Variants in KDM1B observed in about 807,000 individuals in gnomAD.
The protein encoded by KDM1B is lysine-specific histone demethylase 2.
Under a neutral mutation model 107.4 loss-of-function variants are expected in KDM1B, and 63 were observed. That is an observed-to-expected ratio of 0.59 (90% CI 0.48 to 0.72). The LOEUF (loss-of-function observed/expected upper bound fraction) is 0.72, where lower values mean the gene tolerates loss of function less well. Among genes scored for constraint, KDM1B ranks in the 30% least tolerant of loss-of-function variants. KDM1B has a pLI of 0.00. For missense variants in KDM1B, 749 were observed against 1,020.8 expected (o/e 0.73, Z 3.63); for synonymous variants, 363 against 363.9 (o/e 1.00, Z 0.03).
chr6:18,170,002 C>CG (rs1197685004), intron 6 of KDM1B, among the ~76,000 whole-genome samples: 1 of 25,846 alleles, frequency 3.9e-5, no homozygotes, highest in Non-Finnish European at 8.2e-5. Context: ...CTCCACCTCC[C>CG]AGTTCAAGCG....
At chr6:18,215,604 C>T (rs1789160853) in intron 20 of KDM1B, among the ~76,000 whole-genome samples, 1 of 152,178 alleles carries the variant, frequency 6.6e-6, no homozygotes, top group South Asian at 2.1e-4. Flanking sequence ...AATACAGTCA[C>T]ATTCTGAGGC....
chr6:18,170,861 C>A (rs1213222806), intron 6 of KDM1B, among the ~76,000 whole-genome samples: 1 of 151,594 alleles, frequency 6.6e-6, no homozygotes. Context: ...TGCTCCGTTG[C>A]CCAGGCTGGA....
chr6:18,185,210 G>A lies in KDM1B; in HGVS notation c.535-562G>A, dbSNP rs148906368. Among the ~76,000 whole-genome samples, 9 of 151,944 alleles carry A rather than the reference G, an allele frequency of 5.9e-5. No individual in the cohort carries two copies. The East Asian group carries it at 1.5e-3, about 26-fold the overall frequency. ...AAATGATTGTGCATTTTAAATGTTCGTATTTTGTCACCGCCCTTCGTGGTT... is the reference window on the plus strand; with the variant it reads ...AAATGATTGTGCATTTTAAATGTTCATATTTTGTCACCGCCCTTCGTGGTT... On this transcript the variant is annotated intron_variant, in intron 7 of 21. Coordinates refer to ENST00000650836, the MANE Select transcript of KDM1B (RefSeq NM_001364614.2).
intron 7 of KDM1B, among the ~76,000 whole-genome samples, chr6:18,181,270 G>C (rs1266386017): frequency 6.6e-6 from 1 of 152,124 alleles, no homozygotes; most frequent in East Asian, 1.9e-4. Flanking sequence ...GAGAAGGCCT[G>C]ATTGACAGAT....
chr6:18,156,895 C>A (rs113288660), intron 2 of KDM1B, among the ~76,000 whole-genome samples: 4 of 152,126 alleles, frequency 2.6e-5, no homozygotes, highest in African/African-American at 7.2e-5. Context: ...CCAGCCTGAG[C>A]CACGGAGGAA....
In KDM1B at chr6:18,207,212, A is replaced by G. The variant is rs214599; in HGVS notation, c.1660-186A>G. 0.077 allele frequency among the ~76,000 whole-genome samples: 11,343 copies of G among 147,078 alleles called. 500 individuals carry two copies. Among genetic ancestry groups the G allele is most frequent in the South Asian group, 0.22 (1,055 of 4,822 alleles). On this transcript the variant is annotated intron_variant, in intron 15 of 21. Transcript: ENST00000650836. ...AGTCATATGGACCTTTTGTTCTCAAATAAACTTTCCTCAAATAAAATTATC... is the reference window on the plus strand; with the variant it reads ...AGTCATATGGACCTTTTGTTCTCAAGTAAACTTTCCTCAAATAAAATTATC...
intron 7 of KDM1B, among the ~76,000 whole-genome samples, chr6:18,179,242 A>G (rs1030291562): frequency 1.3e-5 from 2 of 152,144 alleles, no homozygotes; most frequent in Non-Finnish European, 2.9e-5. Flanking sequence ...TTCCTGGGGG[A>G]AAAAAATCCA....
rs28427120 is a variant in KDM1B, at chr6:18,211,238, G to A, written c.1867-1250G>A. Among the ~76,000 whole-genome samples the A allele has an allele frequency of 0.042, 6,358 of 152,296 alleles. 440 individuals are homozygous for A. Among genetic ancestry groups the A allele is most frequent in the African/African-American group, 0.14 (5,972 of 41,546 alleles). Reference sequence around the variant, plus strand: ...ACTTCCTGTGATCCTAGAATTGAGAGTTAAGCCAAATATACAAAATCTTTG... The same window carrying A: ...ACTTCCTGTGATCCTAGAATTGAGAATTAAGCCAAATATACAAAATCTTTG... On this transcript the variant is annotated intron_variant, in intron 17 of 21. Coordinates refer to ENST00000650836, the MANE Select transcript of KDM1B (RefSeq NM_001364614.2). This position sits in a 1 kb window ranked among gnomAD's most constrained non-coding sequence, Gnocchi z 5.2.
chr6:18,184,338 G>A (rs888048549), intron 7 of KDM1B, among the ~76,000 whole-genome samples: 1 of 142,212 alleles, frequency 7.0e-6, no homozygotes, highest in Non-Finnish European at 1.5e-5. Context: ...TCAGTGTTGC[G>A]ATCTTGGCTC....
intron 12 of KDM1B, among the ~76,000 whole-genome samples, chr6:18,199,967 C>T (rs537843977): frequency 1.3e-5 from 2 of 152,334 alleles, no homozygotes; most frequent in African/African-American, 4.8e-5. Flanking sequence ...CAGCCTCCAC[C>T]TCCAGGGTTC....
At chr6:18,221,531 A>G (rs1220644456) in intron 21 of KDM1B, among the ~76,000 whole-genome samples, 2 of 152,114 alleles carry the variant, frequency 1.3e-5, no homozygotes, top group African/African-American at 4.8e-5. Context: ...TTACCCATCT[A>G]GCAAAAGTCC....
chr6:18,175,808 T>G (rs1382317584), intron 7 of KDM1B, among the ~76,000 whole-genome samples: 1 of 152,204 alleles, frequency 6.6e-6, no homozygotes, highest in Non-Finnish European at 1.5e-5. Context: ...GGGTTCTCTA[T>G]TCTGTTTCAT....
rs563511993 is a variant in KDM1B, at chr6:18,203,121, C to G, written c.1531+1464C>G. On this transcript the variant is annotated intron_variant, in intron 14 of 21. Transcript: ENST00000650836. The surrounding 1 kb of genome is among the most constrained non-coding windows in gnomAD (Gnocchi z 5.5). Reference sequence around the variant, plus strand: ...TGATAATGCTTTGCCTTACCCTTACCTAGAACAAGCTGTAGGCCAGGCATG... The same window carrying G: ...TGATAATGCTTTGCCTTACCCTTACGTAGAACAAGCTGTAGGCCAGGCATG... 3.7e-3 allele frequency among the ~76,000 whole-genome samples: 561 copies of G among 152,200 alleles called. 1 individual carries two copies. Among genetic ancestry groups the G allele is most frequent in the Middle Eastern group, 0.017 (5 of 294 alleles).
At chr6:18,158,325 A>C (rs1273314065) in intron 2 of KDM1B, among the ~76,000 whole-genome samples, 14 of 8,124 alleles carry the variant, frequency 1.7e-3, no homozygotes, top group African/African-American at 9.0e-3. Context: ...CTCCTTCACA[A>C]AAAAAAAAAA....
At chr6:18,190,844 A>G (rs1401155812) in intron 9 of KDM1B, among the ~76,000 whole-genome samples, 1 of 151,890 alleles carries the variant, frequency 6.6e-6, no homozygotes, top group African/African-American at 2.4e-5. Context: ...AGGTCGCAGT[A>G]AGCCGAGATT....
intron 6 of KDM1B, among the ~76,000 whole-genome samples, chr6:18,169,871 AAAAT>A (rs1394811916): frequency 3.9e-5 from 6 of 152,122 alleles, no homozygotes; most frequent in Non-Finnish European, 8.8e-5. Context: ...ATGCTTTTAA[AAAAT>A]AAACTTTATT....
At chr6:18,178,541 C>T (rs1786203550) in intron 7 of KDM1B, among the ~76,000 whole-genome samples, 1 of 152,034 alleles carries the variant, frequency 6.6e-6, no homozygotes, top group African/African-American at 2.4e-5. Context: ...TACAGGCACA[C>T]ATCACCATGC....
chr6:18,182,605 C>G (rs1786553267), intron 7 of KDM1B, among the ~76,000 whole-genome samples: 1 of 152,070 alleles, frequency 6.6e-6, no homozygotes, highest in Non-Finnish European at 1.5e-5. Context: ...GTGGCATCCT[C>G]TTAGCCCAGT....
At chr6:18,192,132 C>T (rs962928923) in intron 10 of KDM1B, among the ~76,000 whole-genome samples, 4 of 152,000 alleles carry the variant, frequency 2.6e-5, no homozygotes, top group Non-Finnish European at 5.9e-5. Flanking sequence ...TGTGGTGGCA[C>T]ATGCCCATAG....
Sources: allele counts gnomAD v4.1 joint callset (sites outside exome capture counted in the v4.1 genomes callset), GRCh38; gene constraint gnomAD v4.1.1; non-coding constraint Gnocchi (gnomAD v3.1); transcripts MANE v1.5; gene names NCBI Gene and HGNC (gene_info 2026-07-23, HGNC 2026-07-21).